Variants in PTDSS2 observed in about 807,000 individuals in gnomAD.
PTDSS2 encodes phosphatidylserine synthase 2, also known as PSS-2.
In PTDSS2, 41 loss-of-function variants were observed where a neutral mutation model predicts 64.7. The observed-to-expected ratio is 0.63, with a 90% confidence interval of 0.49 to 0.82. The LOEUF (loss-of-function observed/expected upper bound fraction) is 0.82, where lower values mean the gene tolerates loss of function less well. Among genes scored for constraint, PTDSS2 ranks in the 40% least tolerant of loss-of-function variants. The pLI is 0.00. For synonymous variants in PTDSS2, 297 were observed against 277.8 expected, an observed-to-expected ratio of 1.07 and a Z score of -0.69; for missense variants, 485 against 650.0, an observed-to-expected ratio of 0.75 and a Z score of 2.76.
Position 465,171 on chromosome 11 carries a change from G to A in PTDSS2, c.284+4883G>A, listed in dbSNP as rs184515494. The stretch of plus-strand genomic sequence containing the variant: ...AAATGGATTCTAGATAAGCCTAAAT[G>A]TGAAATGAGAAGCTATAAAACTTCT... On this transcript the variant is annotated intron_variant, in intron 2 of 11. Transcript: ENST00000308020. Among the ~76,000 whole-genome samples the A allele has an allele frequency of 3.3e-5, 5 of 151,694 alleles. No individual in the cohort carries two copies. In the East Asian group the frequency reaches 9.7e-4, roughly 29 times the overall value.
chr11:485,201 C>T (rs1273721846), intron 4 of PTDSS2, among the ~76,000 whole-genome samples: 4 of 126,598 alleles, frequency 3.2e-5, no homozygotes, highest in Non-Finnish European at 6.5e-5. Flanking sequence ...ACTGCACAGG[C>T]GCGTGTGTGC....
intron 4 of PTDSS2, among the ~76,000 whole-genome samples, chr11:486,024 G>A (rs1306153194): frequency 2.2e-5 from 3 of 139,468 alleles, no homozygotes; most frequent in Non-Finnish European, 4.7e-5. Context: ...CGTGCTCACC[G>A]TGTGCGCAGG....
At chr11:485,838 G>A (rs1436602060) in intron 4 of PTDSS2, among the ~76,000 whole-genome samples, 1 of 18,110 alleles carries the variant, frequency 5.5e-5, no homozygotes, top group African/African-American at 2.8e-4. Context: ...CTCACCGTGC[G>A]CGCAGGCGAG....
At chr11:453,507 C>G (rs578078374) in intron 1 of PTDSS2, among the ~76,000 whole-genome samples, 1 of 152,214 alleles carries the variant, frequency 6.6e-6, no homozygotes, top group African/African-American at 2.4e-5. Flanking sequence ...TGAGCCTTCT[C>G]AGTGACCTGA....
At chr11:463,940 A>G (rs1044106685) in intron 2 of PTDSS2, 6 of 152,016 alleles carry the variant, frequency 3.9e-5, no homozygotes, top group Non-Finnish European at 8.8e-5. Flanking sequence ...TGTTCTTTTT[A>G]TGGATCTAAC....
intron 3 of PTDSS2, among the ~76,000 whole-genome samples, chr11:477,989 G>T (rs1313794809): frequency 6.6e-6 from 1 of 152,204 alleles, no homozygotes; most frequent in Admixed American, 6.5e-5. Flanking sequence ...AGCCACGGGG[G>T]CCGTCTTCCC....
chr11:468,775 T>C, intron 2 of PTDSS2, among the ~76,000 whole-genome samples: 1 of 147,950 alleles, frequency 6.8e-6, no homozygotes, highest in East Asian at 2.0e-4. Context: ...GAGGGGAGTC[T>C]CTGGGTAATT....
rs1590593121 is a variant in PTDSS2, at chr11:450,487, G to A, written c.32G>A (p.Gly11Asp). The A allele has an allele frequency of 3.2e-6, 4 of 1,235,220 alleles. No homozygotes were observed. Among genetic ancestry groups the A allele is most frequent in the East Asian group, 6.4e-5 (2 of 31,242 alleles). 76.5% of individuals were successfully genotyped at this position (1,235,220 alleles called of 1,614,324 possible). ...AGGGGCGAGCGCAGGGACGCCGGAG[G>A]TCCGCGGCCCGAGTCCCCGGTGCCC... MRRGERRDAG[G>D]PRPESPVPAG... Residue 11 changes from glycine to aspartate, a missense_variant, in exon 1 of 12, where the codon GGT becomes GAT. By Grantham distance (94) the Gly-to-Asp change is moderately conservative. This residue lies in a region of PTDSS2 where 251 missense variants were observed against 348.0 expected (regional missense o/e 0.72). Transcript: ENST00000308020.
Position 450,345 on chromosome 11 carries a change from C to A in PTDSS2, c.-111C>A. ...TCTCCTAAGACCCCGCGGGCCAGCGCCGCGACCCCTTCCCAGCGCTCCTCG... is the reference window on the plus strand; with the variant it reads ...TCTCCTAAGACCCCGCGGGCCAGCGACGCGACCCCTTCCCAGCGCTCCTCG... On this transcript the variant is annotated 5_prime_UTR_variant, in exon 1 of 12. Transcript: ENST00000308020. 9.9e-7 allele frequency: 1 copy of A among 1,015,012 alleles called. No homozygotes were observed. Among genetic ancestry groups the A allele is most frequent in the Non-Finnish European group, 1.3e-6 (1 of 795,868 alleles). The allele number at this position is 1,015,012 out of a possible 1,614,324, so 62.9% of individuals were successfully genotyped here.
At chr11:478,381 C>T (rs1263917089) in intron 3 of PTDSS2, among the ~76,000 whole-genome samples, 1 of 151,844 alleles carries the variant, frequency 6.6e-6, no homozygotes, top group African/African-American at 2.4e-5. Context: ...ATTGCTTGAG[C>T]CCAGGAGGCA....
At chr11:483,779 T>C (rs143205071) in intron 4 of PTDSS2, among the ~76,000 whole-genome samples, 14 of 152,190 alleles carry the variant, frequency 9.2e-5, no homozygotes, top group African/African-American at 3.4e-4. Context: ...TTTCCTGGAA[T>C]GTCTTGTTCT....
intron 1 of PTDSS2, among the ~76,000 whole-genome samples, chr11:456,632 C>G (rs1405038667): frequency 6.6e-6 from 1 of 152,160 alleles, no homozygotes. Context: ...GCCCGTTTCC[C>G]CTCAAGGGCT....
chr11:456,610 C>T (rs532598181), intron 1 of PTDSS2, among the ~76,000 whole-genome samples: 2 of 152,332 alleles, frequency 1.3e-5, no homozygotes, highest in East Asian at 3.9e-4. Flanking sequence ...TCCTGGGCCC[C>T]AGCTGAGCCC....
chr11:487,110 A>G (rs999054232), intron 5 of PTDSS2, 37 bp downstream of exon 5: 1 of 1,590,862 alleles, frequency 6.3e-7, no homozygotes, highest in Non-Finnish European at 8.6e-7. Context: ...GCCCCTCCCC[A>G]GGTGTGGCCC....
rs887564980 is a variant in PTDSS2 at position 470,286 on chromosome 11, C to T, written c.285-3609C>T. Among the ~76,000 whole-genome samples, 3 of 152,328 alleles carry T rather than the reference C, an allele frequency of 2.0e-5. No homozygotes were observed. The South Asian group carries it at 6.2e-4, about 32-fold the overall frequency. ...CGGGGAGGCTGCTGCCCCATCCTCC[C>T]AACCCCGACGACCCCAGCCCGGCCA... On this transcript the variant is annotated intron_variant, in intron 2 of 11. Coordinates refer to ENST00000308020, the MANE Select transcript of PTDSS2 (RefSeq NM_030783.3). This position sits in a 1 kb window ranked among gnomAD's most constrained non-coding sequence, Gnocchi z 5.3.
intron 3 of PTDSS2, among the ~76,000 whole-genome samples, chr11:477,182 G>A (rs920563931): frequency 7.9e-5 from 12 of 152,208 alleles, no homozygotes; most frequent in African/African-American, 1.7e-4. Context: ...GGCCCAGCCC[G>A]GCCATCTGGG....
At chr11:484,683 CGT>C (rs1475233804) in intron 4 of PTDSS2, among the ~76,000 whole-genome samples, 5 of 145,688 alleles carry the variant, frequency 3.4e-5, no homozygotes, top group African/African-American at 1.3e-4. Context: ...ACTGCACGGG[CGT>C]GTGTGCTGTG....
intron 4 of PTDSS2, among the ~76,000 whole-genome samples, chr11:482,881 C>A (rs545114933): frequency 7.3e-6 from 1 of 137,844 alleles, no homozygotes; most frequent in African/African-American, 3.0e-5. Context: ...ATCTCCCTAC[C>A]GAGTGCAGAA....
At chr11:472,032 C>T (rs1237686040) in intron 2 of PTDSS2, among the ~76,000 whole-genome samples, 5 of 131,668 alleles carry the variant, frequency 3.8e-5, no homozygotes, top group African/African-American at 1.5e-4. Flanking sequence ...TGGGGTGATG[C>T]GCGCCTGTCG....
Sources: allele counts gnomAD v4.1 joint callset (sites outside exome capture counted in the v4.1 genomes callset), GRCh38; gene constraint gnomAD v4.1.1; regional missense constraint gnomAD v4.1.1; non-coding constraint Gnocchi (gnomAD v3.1); transcripts MANE v1.5; gene names NCBI Gene and HGNC (gene_info 2026-07-23, HGNC 2026-07-21).